SLC35F3: variants seen among roughly 807,000 people sequenced by gnomAD.
The protein encoded by SLC35F3 is solute carrier family 35 member F3, also known as putative thiamine transporter SLC35F3.
In SLC35F3, 25 loss-of-function variants were observed where a neutral mutation model predicts 49.9. That is an observed-to-expected ratio of 0.50 (90% confidence interval 0.37 to 0.70). The LOEUF (loss-of-function observed/expected upper bound fraction) is 0.70. Ranked by LOEUF, SLC35F3 falls within the 30% of genes least tolerant of loss-of-function variation. SLC35F3 has a pLI of 0.00. For synonymous variants in SLC35F3, 275 were observed against 265.4 expected (o/e 1.04, Z -0.35); for missense variants, 525 against 639.8 (o/e 0.82, Z 1.94).
chr1:234,177,755 C>T (rs1666497597), intron 2 of SLC35F3, among the ~76,000 whole-genome samples: 1 of 152,172 alleles, frequency 6.6e-6, no homozygotes, highest in Non-Finnish European at 1.5e-5. Flanking sequence ...CTTTGAAATG[C>T]ATGGGTCCAT....
At chr1:233,953,471 G>C (rs959545605) in intron 2 of SLC35F3, among the ~76,000 whole-genome samples, 5 of 152,218 alleles carry the variant, frequency 3.3e-5, no homozygotes, top group African/African-American at 9.7e-5. Context: ...AGTTAGGTTA[G>C]AATGAGAGAC....
intron 2 of SLC35F3, among the ~76,000 whole-genome samples, chr1:234,011,761 A>G (rs144863374): frequency 3.9e-5 from 6 of 152,280 alleles, no homozygotes; most frequent in Non-Finnish European, 8.8e-5. Flanking sequence ...ATGACTTTGA[A>G]TGCAACATCA....
rs12026414 is a variant in SLC35F3, at chr1:234,321,866, G to A, written c.1238-1142G>A. Among the ~76,000 whole-genome samples, 252 of 152,080 alleles carry A rather than the reference G, an allele frequency of 1.7e-3. 2 individuals are homozygous for A. The East Asian group carries it at 0.041, about 25-fold the overall frequency. ...GCTCTCCTTATCTAGTGAATTAACA[G>A]GGTGTTTTACCAATATTAAAAATTA... On this transcript the variant is annotated intron_variant, in intron 7 of 7. Transcript: ENST00000366618.
chr1:233,934,945 A>G (rs1379286937), intron 2 of SLC35F3, among the ~76,000 whole-genome samples: 1 of 151,646 alleles, frequency 6.6e-6, no homozygotes. Flanking sequence ...GGATCTTATC[A>G]TGCTTCTTGG....
At chr1:234,125,137 A>G (rs1172725074) in intron 2 of SLC35F3, among the ~76,000 whole-genome samples, 6 of 152,230 alleles carry the variant, frequency 3.9e-5, no homozygotes, top group Middle Eastern at 3.4e-3. Context: ...CCTCATATCT[A>G]GGACACAGTG....
chr1:234,059,835 G>A (rs186429712), intron 2 of SLC35F3, among the ~76,000 whole-genome samples: 62 of 152,280 alleles, frequency 4.1e-4, no homozygotes, highest in African/African-American at 1.4e-3. Context: ...CATCCAGCAC[G>A]GGAGAAAGAT....
At chr1:234,255,116 GATGA>G (rs1427659691) in intron 3 of SLC35F3, among the ~76,000 whole-genome samples, 3 of 152,148 alleles carry the variant, frequency 2.0e-5, no homozygotes, top group African/African-American at 7.2e-5. Flanking sequence ...CAAAACATCT[GATGA>G]AAGACTGATA....
At chr1:234,134,432 AT>A (rs1193764462) in intron 2 of SLC35F3, among the ~76,000 whole-genome samples, 1 of 148,540 alleles carries the variant, frequency 6.7e-6, no homozygotes, top group Non-Finnish European at 1.5e-5. Context: ...ATTCGTGTAA[AT>A]TATATAAATA....
chr1:234,250,415 G>A (rs758993819), intron 3 of SLC35F3, among the ~76,000 whole-genome samples: 13 of 152,180 alleles, frequency 8.5e-5, no homozygotes, highest in African/African-American at 1.2e-4. Context: ...AGCACTTTGG[G>A]AGGCCGAGGC....
intron 2 of SLC35F3, among the ~76,000 whole-genome samples, chr1:233,972,220 C>T (rs1201401977): frequency 6.6e-6 from 1 of 152,224 alleles, no homozygotes; most frequent in African/African-American, 2.4e-5. Context: ...GGCTTCAAAT[C>T]CTACCTCAGT....
Position 234,065,309 on chromosome 1 carries a change from G to A in SLC35F3, c.283+159551G>A, listed in dbSNP as rs184070058. On this transcript the variant is annotated intron_variant, in intron 2 of 7. Coordinates refer to ENST00000366618, the MANE Select transcript of SLC35F3 (RefSeq NM_173508.4). ...CTACAGACGCGTGCCACCACGCCCG[G>A]CTAATTTTTTGTATTTTTTAGTAGA... is the stretch of plus-strand genomic sequence containing the variant. 1.3e-3 allele frequency among the ~76,000 whole-genome samples: 191 copies of A among 152,224 alleles called. 1 individual carries two copies. The highest frequency in any genetic ancestry group is 2.9e-3 in the South Asian group (14 of 4,816).
chr1:234,169,486 G>C (rs76162931), intron 2 of SLC35F3, among the ~76,000 whole-genome samples: 1 of 152,172 alleles, frequency 6.6e-6, no homozygotes, highest in East Asian at 1.9e-4. Flanking sequence ...GTGTCACAAC[G>C]GGCAGCCAGA....
chr1:234,047,411 A>G (rs965601748), intron 2 of SLC35F3, among the ~76,000 whole-genome samples: 3 of 152,192 alleles, frequency 2.0e-5, no homozygotes, highest in Admixed American at 2.0e-4. Context: ...CAATCAGTTG[A>G]AAGCCTGAAT....
In SLC35F3 at chr1:234,324,004, C is replaced by A. The variant is rs1188474941; in HGVS notation, c.*761C>A. ...CGTCTTATAATTTAGATGTAAAAAT[C>A]TTTAGAAACAAATAAAACTCTCTAT... On this transcript the variant is annotated 3_prime_UTR_variant, in exon 8 of 8. Transcript: ENST00000366618. The A allele has an allele frequency of 6.6e-6, 1 of 152,276 alleles. No individual in the cohort carries two copies. The highest frequency in any genetic ancestry group is 1.5e-5 in the Non-Finnish European group (1 of 68,106). The allele number at this position is 152,276 out of a possible 1,614,324, so 9.4% of individuals were successfully genotyped here.
rs149099051 is a variant in SLC35F3 at position 234,050,951 on chromosome 1, T to C, written c.283+145193T>C. On this transcript the variant is annotated intron_variant, in intron 2 of 7. Coordinates refer to ENST00000366618, the MANE Select transcript of SLC35F3 (RefSeq NM_173508.4). Reference sequence around the variant, plus strand: ...TTGTCAAAGATCACATGGTTGTAGATGTGTGGTATTATTTCTGAAGGCTCT... The same window carrying C: ...TTGTCAAAGATCACATGGTTGTAGACGTGTGGTATTATTTCTGAAGGCTCT... 1.3e-5 allele frequency among the ~76,000 whole-genome samples: 2 copies of C among 152,208 alleles called. 1 individual carries two copies. Among genetic ancestry groups the C allele is most frequent in the South Asian group, 4.1e-4 (2 of 4,830 alleles).
chr1:234,301,105 G>A (rs540877362), intron 3 of SLC35F3, among the ~76,000 whole-genome samples: 2 of 152,262 alleles, frequency 1.3e-5, no homozygotes, highest in African/African-American at 4.8e-5. Flanking sequence ...GAGGCATCTG[G>A]GAATGTCCAG....
rs79695587 is a variant in SLC35F3 at position 234,165,718 on chromosome 1, A to G, written c.284-65699A>G. Among the ~76,000 whole-genome samples, 1,162 of 151,936 alleles carry G rather than the reference A, an allele frequency of 7.6e-3. 21 individuals carry two copies. Among genetic ancestry groups the G allele is most frequent in the African/African-American group, 0.025 (1,050 of 41,440 alleles). ...TTTTCTTTTTAATTTTGATTTTTTT[A>G]TTTCAATAGCTTTAGGGGTACAAGT... is the stretch of plus-strand genomic sequence containing the variant. On this transcript the variant is annotated intron_variant, in intron 2 of 7. Transcript: ENST00000366618.
intron 2 of SLC35F3, among the ~76,000 whole-genome samples, chr1:233,982,808 C>G (rs552391349): frequency 6.6e-6 from 1 of 152,146 alleles, no homozygotes; most frequent in South Asian, 2.1e-4. Flanking sequence ...ATTCTCTGAT[C>G]GGGAGGGAGA....
intron 2 of SLC35F3, among the ~76,000 whole-genome samples, chr1:233,978,094 T>C (rs1663119811): frequency 6.6e-6 from 1 of 152,124 alleles, no homozygotes; most frequent in African/African-American, 2.4e-5. Context: ...CGTGCTTGAC[T>C]CTGGGGAAGT....
Sources: allele counts gnomAD v4.1 joint callset (sites outside exome capture counted in the v4.1 genomes callset), GRCh38; gene constraint gnomAD v4.1.1; transcripts MANE v1.5; gene names NCBI Gene and HGNC (gene_info 2026-07-23, HGNC 2026-07-21).